Variants in C3orf52 observed in about 807,000 individuals in gnomAD.
C3orf52 encodes TPA-induced transmembrane protein.
In C3orf52, 22 loss-of-function variants were observed where a neutral mutation model predicts 24.8. The ratio of observed to expected loss-of-function variants is 0.89; its 90% CI spans 0.63 to 1.27. C3orf52 has a LOEUF of 1.27. Ranked by LOEUF, C3orf52 falls within the 50% of genes most tolerant of loss-of-function variation. The pLI, the probability that C3orf52 is intolerant of heterozygous loss-of-function variation, is 0.00. For synonymous variants in C3orf52, 93 were observed against 100.2 expected (o/e 0.93, Z 0.43); for missense variants, 265 against 260.7 (o/e 1.02, Z -0.11).
At chr3:112,114,200 G>A (rs2107789945) in intron 5 of C3orf52, among the ~76,000 whole-genome samples, 1 of 152,266 alleles carries the variant, frequency 6.6e-6, no homozygotes, top group South Asian at 2.1e-4. Flanking sequence ...GAGGATGAGA[G>A]GCAAGAGTAA....
intron 1 of C3orf52, among the ~76,000 whole-genome samples, chr3:112,089,536 A>T (rs969220685): frequency 1.3e-5 from 2 of 151,982 alleles, no homozygotes; most frequent in East Asian, 3.9e-4. Context: ...TCTCAAAAAA[A>T]AAAAAAAAAA....
At chr3:112,115,763 G>C (rs953229640) in intron 5 of C3orf52, among the ~76,000 whole-genome samples, 1 of 152,126 alleles carries the variant, frequency 6.6e-6, no homozygotes, top group Non-Finnish European at 1.5e-5. Flanking sequence ...GTGTGTGTTT[G>C]CTTCTCATTC....
chr3:112,132,896 G>T, downstream of C3orf52: 1 of 559,054 alleles, frequency 1.8e-6, no homozygotes, highest in Non-Finnish European at 3.0e-6. Context: ...CATGATTCTT[G>T]GGAGAAGGCA....
At chr3:112,130,675 C>T (rs964409473), downstream of C3orf52, 13 of 655,728 alleles carry the variant, frequency 2.0e-5, no homozygotes, top group South Asian at 1.7e-4. Flanking sequence ...AAGCACATGT[C>T]GCAAGCTACC....
chr3:112,090,691 C>T (rs540157294), intron 1 of C3orf52, among the ~76,000 whole-genome samples: 4 of 151,964 alleles, frequency 2.6e-5, no homozygotes, highest in African/African-American at 4.8e-5. Flanking sequence ...TTTCAACACA[C>T]CAGAGTCCTA....
intron 2 of C3orf52, among the ~76,000 whole-genome samples, chr3:112,096,998 T>C (rs1313483686): frequency 2.0e-5 from 3 of 152,166 alleles, no homozygotes; most frequent in African/African-American, 4.8e-5. Context: ...GACATGGAAA[T>C]TTTTTTAATG....
chr3:112,135,407 CAGG>C (rs2074541192), downstream of C3orf52: 2 of 152,648 alleles, frequency 1.3e-5, no homozygotes, highest in East Asian at 1.9e-4. Flanking sequence ...CTAAAACAGG[CAGG>C]AGAAGGATGG....
chr3:112,098,087 A>G (rs1245734812), intron 2 of C3orf52, among the ~76,000 whole-genome samples: 1 of 152,170 alleles, frequency 6.6e-6, no homozygotes, highest in East Asian at 1.9e-4. Context: ...CTTCATTTAG[A>G]TATGTGTTTT....
At chr3:112,105,570 G>GTGTGTGTGTGTT (rs199579112) in intron 3 of C3orf52, among the ~76,000 whole-genome samples, 2,985 of 133,872 alleles carry the variant, frequency 0.022, 102 homozygotes, top group African/African-American at 0.076. Flanking sequence ...GTGTGTGTGT[G>GTGTGTGTGTGTT]TTTTCCACAC....
chr3:112,116,886 TG>T lies in C3orf52; in HGVS notation c.*245del, dbSNP rs1183000950. 6.5e-7 allele frequency: 1 copy of T among 1,537,096 alleles called. No individual in the cohort carries two copies. The highest frequency in any genetic ancestry group is 8.7e-7 in the Non-Finnish European group (1 of 1,146,844). On this transcript the variant is annotated 3_prime_UTR_variant, in exon 6 of 6. Coordinates refer to ENST00000264848, the MANE Select transcript of C3orf52 (RefSeq NM_024616.3). ...GACAAAGGCAGGAAGCCAGCTAGGG[TG>T]GGGGCGATAGGGTCAGCGGGTATGT...
At chr3:112,125,192 A>T (rs767167332) in intron 4 of C3orf52, 1 of 1,420,352 alleles carries the variant, frequency 7.0e-7, no homozygotes, top group Non-Finnish European at 1.0e-6. Flanking sequence ...TTCTATCATC[A>T]TCTCAAAAAA....
chr3:112,128,047 T>C (rs1701619871), intron 4 of C3orf52: 1 of 1,613,712 alleles, frequency 6.2e-7, no homozygotes, highest in Non-Finnish European at 8.5e-7. Flanking sequence ...TTCAGCGATA[T>C]GGTGATCCCA....
At chr3:112,102,709 T>C in intron 2 of C3orf52, 129 bp from the exon 3 acceptor site, 1 of 821,664 alleles carries the variant, frequency 1.2e-6, no homozygotes, top group Non-Finnish European at 1.8e-6. Flanking sequence ...ACTTGCTTGC[T>C]GTGTTCAGCC....
At chr3:112,123,464 G>A in intron 4 of C3orf52, 6 of 1,613,880 alleles carry the variant, frequency 3.7e-6, no homozygotes, top group African/African-American at 1.3e-5. Context: ...ACTATAAATG[G>A]GAAAACTGAG....
At position 112,098,758 on chromosome 3, in the gene C3orf52, G is replaced by A. The variant is rs11921017; in HGVS notation, c.269-4080G>A. On this transcript the variant is annotated intron_variant, in intron 2 of 5. Coordinates refer to ENST00000264848, the MANE Select transcript of C3orf52 (RefSeq NM_024616.3). ...CTGGTGAGGGCACACTTTTTATTTC[G>A]TAGATCATGCCTTCTAGCTATATCT... is the stretch of plus-strand genomic sequence containing the variant. 9.0e-3 allele frequency among the ~76,000 whole-genome samples: 1,363 copies of A among 152,186 alleles called. 14 individuals are homozygous for A. The highest frequency in any genetic ancestry group is 0.021 in the African/African-American group (879 of 41,510).
At chr3:112,109,037 T>C (rs2074053567) in intron 3 of C3orf52, among the ~76,000 whole-genome samples, 1 of 152,182 alleles carries the variant, frequency 6.6e-6, no homozygotes, top group African/African-American at 2.4e-5. Context: ...AAATAAAGCC[T>C]CCATATTTTT....
In C3orf52 at chr3:112,102,895, T is replaced by A; in HGVS notation, c.326T>A (p.Phe109Tyr). 1 of 1,605,018 alleles carries A rather than the reference T, an allele frequency of 6.2e-7. No individual in the cohort carries two copies. The highest frequency in any genetic ancestry group is 8.5e-7 in the Non-Finnish European group (1 of 1,175,410). Residue 109 changes from phenylalanine (F) to tyrosine (Y), a missense_variant, in exon 3 of 6, where the codon TTC becomes TAC. Coordinates refer to ENST00000264848, the MANE Select transcript of C3orf52 (RefSeq NM_024616.3). ...CTTGAATTATCATCAAACAAAACATTCTTCATCATGCTGAAGATTCCAGAG... is the reference window on the plus strand; with the variant it reads ...CTTGAATTATCATCAAACAAAACATACTTCATCATGCTGAAGATTCCAGAG... ...EILELSSNKT[F>Y]FIMLKIPEEC...
intron 1 of C3orf52, among the ~76,000 whole-genome samples, chr3:112,089,974 T>A (rs1392020737): frequency 2.0e-5 from 3 of 152,246 alleles, no homozygotes; most frequent in Non-Finnish European, 4.4e-5. Context: ...AAGATGCAGT[T>A]GCAAATATCT....
intron 1 of C3orf52, 127 bp from the exon 2 acceptor site, chr3:112,093,233 C>A: frequency 1.2e-6 from 1 of 861,782 alleles, no homozygotes; most frequent in Non-Finnish European, 1.7e-6. Flanking sequence ...AAACTTGATT[C>A]AGTAGAGTGT....
Sources: allele counts gnomAD v4.1 joint callset (sites outside exome capture counted in the v4.1 genomes callset), GRCh38; gene constraint gnomAD v4.1.1; transcripts MANE v1.5; gene names NCBI Gene and HGNC (gene_info 2026-07-23, HGNC 2026-07-21).